Variants in HELZ observed in about 807,000 individuals in gnomAD.
HELZ encodes the protein helicase with zinc finger.
HELZ carries 23 observed loss-of-function variants against 218.2 expected under a neutral mutation model. The observed-to-expected ratio is 0.11, with a 90% CI of 0.08 to 0.15. The LOEUF is 0.15. Ranked by LOEUF, HELZ falls within the 10% of genes least tolerant of loss-of-function variation. HELZ has a pLI of 1.00. For synonymous variants in HELZ, 814 were observed against 829.4 expected (o/e 0.98, Z 0.32); for missense variants, 1,813 against 2,353.7 (o/e 0.77, Z 4.75).
intron 6 of HELZ, among the ~76,000 whole-genome samples, chr17:67,202,021 T>C (rs2040182223): frequency 6.6e-6 from 1 of 151,508 alleles, no homozygotes; most frequent in Admixed American, 6.6e-5. Flanking sequence ...CCTAACTTCT[T>C]TTTTTTTAAC....
chr17:67,202,535 G>T (rs1598414666), intron 6 of HELZ, among the ~76,000 whole-genome samples: 1 of 152,234 alleles, frequency 6.6e-6, no homozygotes, highest in Non-Finnish European at 1.5e-5. Flanking sequence ...TTACAAAATT[G>T]ATTGTAAAGT....
intron 5 of HELZ, among the ~76,000 whole-genome samples, chr17:67,212,652 T>C (rs1213854707): frequency 6.6e-6 from 1 of 152,194 alleles, no homozygotes; most frequent in Non-Finnish European, 1.5e-5. Context: ...TGCTTTTGGA[T>C]TTATTTAAAA....
In HELZ at chr17:67,234,332, C is replaced by A. The variant is rs1395568574; in HGVS notation, c.-19+5101G>T. Among the ~76,000 whole-genome samples, 24 of 140,830 alleles carry A rather than the reference C, an allele frequency of 1.7e-4. No individual in the cohort carries two copies. The South Asian group carries it at 1.8e-3, about 11-fold the overall frequency. The allele number at this position is 140,830 out of a possible 152,430, so 92.4% of individuals were successfully genotyped here. ...AAGAAAGAAAAAAGAAAAAAAAAAACACAGAGATACAGAATTAATTGTTCC... is the reference window on the plus strand; with the variant it reads ...AAGAAAGAAAAAAGAAAAAAAAAAAAACAGAGATACAGAATTAATTGTTCC... On this transcript the variant is annotated intron_variant, in intron 3 of 32. Transcript: ENST00000358691.
intron 32 of HELZ, among the ~76,000 whole-genome samples, chr17:67,082,941 C>CCA (rs1345043996): frequency 6.6e-6 from 1 of 150,888 alleles, no homozygotes; most frequent in Non-Finnish European, 1.5e-5. Flanking sequence ...ACTGCCACCA[C>CCA]CACCTCCTGG....
chr17:67,121,748 A>G (rs886116352), intron 26 of HELZ, among the ~76,000 whole-genome samples: 2 of 152,228 alleles, frequency 1.3e-5, no homozygotes, highest in Admixed American at 6.5e-5. Context: ...GGGTTTATAT[A>G]CAAGACGGAC....
At chr17:67,160,119 C>A in intron 17 of HELZ, 142 bp downstream of exon 17, 1 of 582,306 alleles carries the variant, frequency 1.7e-6, no homozygotes, top group Admixed American at 3.2e-5. Context: ...TTAATTTAAA[C>A]AGTTTCTTCA....
At chr17:67,136,319 GA>G in intron 22 of HELZ, 121 bp from the exon 23 acceptor site, 1 of 678,782 alleles carries the variant, frequency 1.5e-6, no homozygotes, top group Non-Finnish European at 2.5e-6. Context: ...AAGATGTGGA[GA>G]AACTGAAACC....
At chr17:67,196,280 T>C (rs1191468881) in intron 7 of HELZ, among the ~76,000 whole-genome samples, 1 of 152,180 alleles carries the variant, frequency 6.6e-6, no homozygotes, top group Non-Finnish European at 1.5e-5. Context: ...TAGGGATCCA[T>C]TCACTCTAAC....
intron 31 of HELZ, among the ~76,000 whole-genome samples, chr17:67,089,668 T>TATATATATATATATAGAGAGAG (rs71293575): frequency 2.8e-5 from 2 of 70,636 alleles, no homozygotes; most frequent in African/African-American, 1.2e-4. Flanking sequence ...TATATATATA[T>TATATATATATATATAGAGAGAG]AGAGAGAGAG....
At chr17:67,134,744 G>T (rs1304272828) in intron 23 of HELZ, among the ~76,000 whole-genome samples, 1 of 151,592 alleles carries the variant, frequency 6.6e-6, no homozygotes, top group African/African-American at 2.4e-5. Context: ...TATCTATATT[G>T]TAAGAAAAAA....
At chr17:67,161,842 A>C (rs899738838) in intron 15 of HELZ, among the ~76,000 whole-genome samples, 1 of 152,180 alleles carries the variant, frequency 6.6e-6, no homozygotes, top group African/African-American at 2.4e-5. Context: ...GCAGATACTG[A>C]AACACATCAA....
At chr17:67,156,448 C>T (rs900554653) in intron 17 of HELZ, among the ~76,000 whole-genome samples, 7 of 152,126 alleles carry the variant, frequency 4.6e-5, no homozygotes, top group African/African-American at 1.4e-4. Context: ...TTGTTCTCTC[C>T]AGTTACCAAC....
rs149661671 is a variant in HELZ, at chr17:67,243,039, G to A, written c.-76+745C>T. Among the ~76,000 whole-genome samples the A allele has an allele frequency of 2.1e-3, 318 of 151,902 alleles. 1 individual carries two copies. Among genetic ancestry groups the A allele is most frequent in the African/African-American group, 6.1e-3 (255 of 41,490 alleles). On this transcript the variant is annotated intron_variant, in intron 2 of 32. Coordinates refer to ENST00000358691, the MANE Select transcript of HELZ (RefSeq NM_014877.4). ...AAAACATTTTAAGTTGAGAAAACTC[G>A]TGAAAAATGTAAAAGTAGCAAACTT...
At chr17:67,152,941 C>T (rs2038732683) in intron 17 of HELZ, among the ~76,000 whole-genome samples, 2 of 152,144 alleles carry the variant, frequency 1.3e-5, no homozygotes, top group South Asian at 4.2e-4. Context: ...ATAGGAGTAA[C>T]TGTGTTAAAT....
chr17:67,097,593 G>A (rs1473557777), intron 31 of HELZ, among the ~76,000 whole-genome samples: 1 of 152,138 alleles, frequency 6.6e-6, no homozygotes. Context: ...GTCATAGAAG[G>A]GATACCAGAA....
chr17:67,074,262 A>AC lies in HELZ; in HGVS notation c.*3989dup, dbSNP rs397728193. The AC allele has an allele frequency of 2.0e-5, 3 of 150,504 alleles. No homozygotes were observed. Among genetic ancestry groups the AC allele is most frequent in the Non-Finnish European group, 4.4e-5 (3 of 67,584 alleles). The allele number at this position is 150,504 out of a possible 1,614,324, so 9.3% of individuals were successfully genotyped here. ...TGAGGAGCTGGAGGGAAAAAAAAAA[A>AC]CACAATGGCTAGCTTACATGACATT... On this transcript the variant is annotated 3_prime_UTR_variant, in exon 33 of 33. Transcript: ENST00000358691.
chr17:67,096,581 CT>C (rs2036756241), intron 31 of HELZ, among the ~76,000 whole-genome samples: 1 of 152,266 alleles, frequency 6.6e-6, no homozygotes, highest in Non-Finnish European at 1.5e-5. Flanking sequence ...TCACCTTGCA[CT>C]TTTATGTTAT....
intron 31 of HELZ, among the ~76,000 whole-genome samples, chr17:67,105,545 T>A (rs549741322): frequency 1.1e-3 from 168 of 152,356 alleles, no homozygotes; most frequent in Middle Eastern, 3.4e-3. Context: ...GATGACTGTA[T>A]AACATTGTGA....
rs1175587845 is a variant in HELZ, at chr17:67,107,327, C to A, written c.5083G>T (p.Gly1695Trp). Residue 1695 changes from glycine to tryptophan, a missense_variant, in exon 31 of 33, where the codon GGG (glycine) becomes TGG (tryptophan). Gly to Trp is a radical substitution (Grantham distance 184). Transcript: ENST00000358691. ...FANLQQNHLM[G>W]PGFPYGLPPL... The stretch of plus-strand genomic sequence containing the variant: ...GGTAGGCCATAGGGAAAACCTGGCC[C>A]CATTAGGTGATTCTGTTGCAAGTTA... The A allele has an allele frequency of 6.2e-7, 1 of 1,613,956 alleles. No homozygotes were observed. Among genetic ancestry groups the A allele is most frequent in the East Asian group, 2.2e-5 (1 of 44,890 alleles).
Sources: allele counts gnomAD v4.1 joint callset (sites outside exome capture counted in the v4.1 genomes callset), GRCh38; gene constraint gnomAD v4.1.1; transcripts MANE v1.5; gene names NCBI Gene and HGNC (gene_info 2026-07-23, HGNC 2026-07-21).